Variants in FYN observed in about 807,000 individuals in gnomAD.
FYN encodes the protein FYN proto-oncogene, Src family tyrosine kinase, also known as tyrosine-protein kinase Fyn.
FYN carries 10 observed loss-of-function variants against 70.2 expected under a neutral mutation model. That is an observed-to-expected ratio of 0.14 (90% CI 0.09 to 0.24). The LOEUF is 0.24. Among genes scored for constraint, FYN ranks in the 10% least tolerant of loss-of-function variants. The pLI, the probability that FYN is intolerant of heterozygous loss-of-function variation, is 1.00. For synonymous variants in FYN, 236 were observed against 248.6 expected (o/e 0.95, Z 0.48); for missense variants, 319 against 673.1 (o/e 0.47, Z 5.82).
At chr6:111,840,674 A>C (rs1453473414) in intron 2 of FYN, among the ~76,000 whole-genome samples, 1 of 152,186 alleles carries the variant, frequency 6.6e-6, no homozygotes, top group African/African-American at 2.4e-5. Context: ...TTTAAAGGAA[A>C]AGCTTAAATT....
chr6:111,731,544 T>C (rs558787187), intron 3 of FYN, among the ~76,000 whole-genome samples: 50 of 152,326 alleles, frequency 3.3e-4, no homozygotes, highest in African/African-American at 1.1e-3. Flanking sequence ...CCTGGGTCTT[T>C]GTGTTGGCAC....
chr6:111,825,575 G>C (rs537883816), intron 2 of FYN, among the ~76,000 whole-genome samples: 1 of 152,208 alleles, frequency 6.6e-6, no homozygotes, highest in African/African-American at 2.4e-5. Context: ...GTGCAGTGCA[G>C]ACACACATGG....
intron 3 of FYN, among the ~76,000 whole-genome samples, chr6:111,731,902 G>A (rs697642): frequency 0.26 from 38,829 of 152,170 alleles, 9,582 homozygotes; most frequent in African/African-American, 0.64. Flanking sequence ...GTTTTCACTA[G>A]AGGTCTGCAT....
At chr6:111,717,661 G>A (rs1206424859) in intron 4 of FYN, among the ~76,000 whole-genome samples, 1 of 151,940 alleles carries the variant, frequency 6.6e-6, no homozygotes, top group African/African-American at 2.4e-5. Flanking sequence ...ACGGGGTTTC[G>A]CCATGTTGGC....
intron 2 of FYN, among the ~76,000 whole-genome samples, chr6:111,807,973 T>C (rs1772203127): frequency 6.6e-6 from 1 of 151,986 alleles, no homozygotes; most frequent in African/African-American, 2.4e-5. Flanking sequence ...CCAGGTGTGG[T>C]GGCATGCACC....
chr6:111,747,068 C>A (rs1468074534), intron 3 of FYN, among the ~76,000 whole-genome samples: 1 of 152,114 alleles, frequency 6.6e-6, no homozygotes, highest in East Asian at 1.9e-4. Context: ...CCACAGAAAC[C>A]TACACATGGC....
At chr6:111,671,706 C>T (rs967651978) in intron 13 of FYN, among the ~76,000 whole-genome samples, 2 of 152,160 alleles carry the variant, frequency 1.3e-5, no homozygotes, top group South Asian at 2.1e-4. Context: ...GACCCCTCAG[C>T]GCACACTGAC....
At chr6:111,841,826 T>C (rs1046988193) in intron 2 of FYN, among the ~76,000 whole-genome samples, 4 of 152,130 alleles carry the variant, frequency 2.6e-5, no homozygotes, top group African/African-American at 9.7e-5. Flanking sequence ...TAGGTATATT[T>C]TTCTTCTTAG....
intron 1 of FYN, among the ~76,000 whole-genome samples, chr6:111,861,486 G>A (rs1482597902): frequency 6.6e-6 from 1 of 152,060 alleles, no homozygotes; most frequent in Non-Finnish European, 1.5e-5. Flanking sequence ...GGTTAAGCAA[G>A]GAAAAAAAAT....
chr6:111,783,070 A>G (rs1771235371), intron 2 of FYN, among the ~76,000 whole-genome samples: 1 of 152,192 alleles, frequency 6.6e-6, no homozygotes, highest in Non-Finnish European at 1.5e-5. Flanking sequence ...CTCAGCGTGG[A>G]CACTGGTCCC....
chr6:111,699,640 G>A, intron 9 of FYN: 1 of 1,613,974 alleles, frequency 6.2e-7, no homozygotes, highest in Non-Finnish European at 8.5e-7. Context: ...TGCAATCACA[G>A]TTAAGTTAAA....
intron 1 of FYN, among the ~76,000 whole-genome samples, chr6:111,866,861 ATG>A (rs940773615): frequency 7.2e-5 from 11 of 152,176 alleles, no homozygotes; most frequent in African/African-American, 2.4e-4. Context: ...AGGCTTTGAT[ATG>A]TGTTTTTACC....
At chr6:111,767,197 T>C (rs1277847497) in intron 3 of FYN, among the ~76,000 whole-genome samples, 1 of 152,198 alleles carries the variant, frequency 6.6e-6, no homozygotes, top group African/African-American at 2.4e-5. Context: ...ATTTGATCTT[T>C]TGACATAGCT....
At chr6:111,789,440 C>T (rs1352693171) in intron 2 of FYN, among the ~76,000 whole-genome samples, 7 of 152,140 alleles carry the variant, frequency 4.6e-5, no homozygotes, top group Admixed American at 1.3e-4. Flanking sequence ...GTAGTAGCAG[C>T]AGTAGTACTG....
chr6:111,672,152 G>T (rs115815224), intron 13 of FYN, among the ~76,000 whole-genome samples: 32 of 152,318 alleles, frequency 2.1e-4, no homozygotes, highest in African/African-American at 6.7e-4. Context: ...CATCTTCTCA[G>T]ATTCATCCTG....
At chr6:111,714,219 T>C (rs1800516171) in intron 5 of FYN, 128 bp downstream of exon 5, 1 of 656,328 alleles carries the variant, frequency 1.5e-6, no homozygotes, top group Non-Finnish European at 2.7e-6. Flanking sequence ...AAGTATATTG[T>C]TGTAAACCAG....
At chr6:111,754,955 G>T (rs1393347062) in intron 3 of FYN, among the ~76,000 whole-genome samples, 1 of 143,168 alleles carries the variant, frequency 7.0e-6, no homozygotes, top group Non-Finnish European at 1.5e-5. Context: ...GCTTAGACAA[G>T]AAAATTTAAG....
At chr6:111,673,494 A>C (rs946479477) in intron 13 of FYN, among the ~76,000 whole-genome samples, 1 of 152,156 alleles carries the variant, frequency 6.6e-6, no homozygotes, top group Non-Finnish European at 1.5e-5. Flanking sequence ...CAATCATAAA[A>C]AAGGAACAAA....
intron 2 of FYN, among the ~76,000 whole-genome samples, chr6:111,796,271 A>C (rs1200274497): frequency 6.6e-6 from 1 of 152,244 alleles, no homozygotes; most frequent in Non-Finnish European, 1.5e-5. Context: ...AGTCAGTGAC[A>C]GACCACATAT....
Sources: gnomAD v4.1 joint callset for allele counts (sites outside exome capture counted in the v4.1 genomes callset) on GRCh38, gnomAD v4.1.1 for gene constraint, MANE v1.5 for transcripts, NCBI Gene and HGNC (gene_info 2026-07-23, HGNC 2026-07-21) for gene names.